JAK2: variants seen among roughly 807,000 people sequenced by gnomAD.
The protein encoded by JAK2 is Janus kinase 2.
In JAK2, 86 loss-of-function variants were observed where a neutral mutation model predicts 139.3. That is an observed-to-expected ratio of 0.62 (90% confidence interval 0.52 to 0.74). The LOEUF is 0.74. Ranked by LOEUF, JAK2 falls within the 30% of genes least tolerant of loss-of-function variation. The pLI is 0.00. For missense variants in JAK2, 1,421 were observed against 1,360.3 expected (o/e 1.04, Z -0.70); for synonymous variants, 490 against 437.7 (o/e 1.12, Z -1.49).
chr9:5,077,572 C>T lies in JAK2; in HGVS notation c.1984C>T (p.His662Tyr). ...TGCTAAACAGTTGGCATGGGCCATG[C>T]ATTTTCTAGTAAGTAGTACAACCTT... ...EVAKQLAWAM[H>Y]FLEENTLIHG... Residue 662 changes from histidine (H) to tyrosine (Y), a missense_variant, in exon 15 of 25, where the codon CAT (histidine) becomes TAT (tyrosine). Physicochemically the swap from His to Tyr is moderately conservative, Grantham distance 83. Transcript: ENST00000381652. 6.8e-7 allele frequency: 1 copy of T among 1,480,308 alleles called. No homozygotes were observed. Among genetic ancestry groups the T allele is most frequent in the Non-Finnish European group, 9.0e-7 (1 of 1,116,422 alleles). 91.7% of individuals were successfully genotyped at this position (1,480,308 alleles called of 1,614,324 possible).
chr9:5,004,708 T>C (rs1821158822), intron 2 of JAK2, among the ~76,000 whole-genome samples: 1 of 152,214 alleles, frequency 6.6e-6, no homozygotes. Context: ...CTCCATTCAT[T>C]TTCCATAGTG....
intron 4 of JAK2, among the ~76,000 whole-genome samples, chr9:5,036,764 A>G (rs983434634): frequency 6.6e-6 from 1 of 152,230 alleles, no homozygotes; most frequent in South Asian, 2.1e-4. Context: ...AAACCCTAGA[A>G]GAAAACCTAG....
intron 8 of JAK2, among the ~76,000 whole-genome samples, chr9:5,056,168 A>G (rs1446486444): frequency 1.3e-5 from 2 of 152,142 alleles, no homozygotes; most frequent in African/African-American, 4.8e-5. Flanking sequence ...AAGGAGAAAA[A>G]ATAAATCAAT....
At chr9:5,124,481 C>A (rs144764409) in intron 23 of JAK2, among the ~76,000 whole-genome samples, 15 of 151,770 alleles carry the variant, frequency 9.9e-5, no homozygotes, top group South Asian at 4.1e-4. Flanking sequence ...TCCCATACTG[C>A]GCAAAGCAAT....
chr9:5,064,838 T>G (rs1818454095), intron 8 of JAK2, 45 bp from the exon 9 acceptor site: 5 of 1,403,918 alleles, frequency 3.6e-6, no homozygotes, highest in Non-Finnish European at 4.8e-6. Flanking sequence ...TAACATGGAG[T>G]TGACTTTCTA....
intron 10 of JAK2, among the ~76,000 whole-genome samples, chr9:5,067,750 C>G (rs992488603): frequency 2.6e-5 from 4 of 152,082 alleles, no homozygotes; most frequent in African/African-American, 9.7e-5. Flanking sequence ...CTTCAGGAAA[C>G]TTATCTACTG....
chr9:5,123,114 C>T lies in JAK2; in HGVS notation c.3170C>T (p.Pro1057Leu). Reference protein sequence around the residue: ...LFTYIEKSKSPPAEFMRMIGN... With the variant: ...LFTYIEKSKSLPAEFMRMIGN... Reference sequence around the variant, plus strand: ...ACATACATTGAGAAGAGTAAAAGTCCACCAGCGGTCAGTGTGCTTTTTATT... The same window carrying T: ...ACATACATTGAGAAGAGTAAAAGTCTACCAGCGGTCAGTGTGCTTTTTATT... The change falls in exon 23 of 25, where the codon CCA (proline) becomes CTA (leucine). Residue 1057 changes from proline (P) to leucine (L), a missense_variant. Coordinates refer to ENST00000381652, the MANE Select transcript of JAK2 (RefSeq NM_004972.4). 6.3e-7 allele frequency: 1 copy of T among 1,576,864 alleles called. No homozygotes were observed. Among genetic ancestry groups the T allele is most frequent in the Non-Finnish European group, 8.6e-7 (1 of 1,157,152 alleles).
At chr9:5,073,825 C>G (rs779281857) in intron 14 of JAK2, 40 bp downstream of exon 14, 1 of 1,299,352 alleles carries the variant, frequency 7.7e-7, no homozygotes, top group Admixed American at 1.8e-5. Context: ...TTTCTCAGAG[C>G]ATCTGTTTTT....
chr9:4,988,045 T>C (rs1020734373), intron 2 of JAK2, among the ~76,000 whole-genome samples: 1 of 152,228 alleles, frequency 6.6e-6, no homozygotes, highest in Non-Finnish European at 1.5e-5. Flanking sequence ...GGTTTGACTT[T>C]GTGTCTCTGC....
At chr9:5,032,184 G>A (rs1461171284) in intron 4 of JAK2, among the ~76,000 whole-genome samples, 1 of 152,224 alleles carries the variant, frequency 6.6e-6, no homozygotes, top group Non-Finnish European at 1.5e-5. Context: ...ACTGCAAGGT[G>A]GCAGCGAGGC....
intron 8 of JAK2, among the ~76,000 whole-genome samples, chr9:5,059,688 TC>T (rs1818023345): frequency 6.6e-6 from 1 of 152,222 alleles, no homozygotes; most frequent in South Asian, 2.1e-4. Flanking sequence ...ATTACAGTTG[TC>T]TCATATCCCC....
chr9:5,031,395 G>A (rs1436755041), intron 4 of JAK2, among the ~76,000 whole-genome samples: 1 of 152,166 alleles, frequency 6.6e-6, no homozygotes, highest in East Asian at 1.9e-4. Context: ...GATGGGGCCA[G>A]TATATCTTGA....
chr9:5,035,670 A>G (rs935847723), intron 4 of JAK2, among the ~76,000 whole-genome samples: 1 of 152,252 alleles, frequency 6.6e-6, no homozygotes, highest in Non-Finnish European at 1.5e-5. Flanking sequence ...GTCTTTGGCA[A>G]AATTCAACAA....
intron 5 of JAK2, among the ~76,000 whole-genome samples, chr9:5,045,382 G>T (rs1055747263): frequency 4.6e-5 from 7 of 152,218 alleles, no homozygotes; most frequent in Admixed American, 6.5e-5. Context: ...TGGGGTATGA[G>T]ACCAACAAAC....
chr9:5,002,705 C>T (rs906919486), intron 2 of JAK2, among the ~76,000 whole-genome samples: 5 of 151,734 alleles, frequency 3.3e-5, no homozygotes, highest in Non-Finnish European at 7.4e-5. Flanking sequence ...TTTGTTAATT[C>T]CTGAGAAATG....
chr9:5,056,891 T>TG (rs1176236317), intron 8 of JAK2, among the ~76,000 whole-genome samples: 1 of 152,192 alleles, frequency 6.6e-6, no homozygotes, highest in Non-Finnish European at 1.5e-5. Context: ...AAGGGCACAG[T>TG]GTTAGTTAAG....
At chr9:5,048,894 A>G (rs1194464720) in intron 5 of JAK2, among the ~76,000 whole-genome samples, 3 of 152,172 alleles carry the variant, frequency 2.0e-5, no homozygotes, top group South Asian at 2.1e-4. Flanking sequence ...TTTAGGTAAT[A>G]TGGCTCTTAC....
chr9:5,118,468 G>C (rs1823372263), intron 22 of JAK2, among the ~76,000 whole-genome samples: 1 of 152,124 alleles, frequency 6.6e-6, no homozygotes, highest in Non-Finnish European at 1.5e-5. Flanking sequence ...GGTTATCATT[G>C]AAGTTACTAG....
At chr9:5,078,024 C>G (rs1819428160) in intron 15 of JAK2, among the ~76,000 whole-genome samples, 1 of 152,120 alleles carries the variant, frequency 6.6e-6, no homozygotes, top group African/African-American at 2.4e-5. Context: ...AATGTCAGCT[C>G]CCATCCAGAA....
Sources: allele counts gnomAD v4.1 joint callset (sites outside exome capture counted in the v4.1 genomes callset), GRCh38; gene constraint gnomAD v4.1.1; transcripts MANE v1.5; gene names NCBI Gene and HGNC (gene_info 2026-07-23, HGNC 2026-07-21).